ZBTB18: variants seen among roughly 807,000 people sequenced by gnomAD.
ZBTB18 encodes zinc finger and BTB domain-containing protein 18.
A neutral mutation model predicts 37.7 loss-of-function variants in ZBTB18; 2 were observed. That is an observed-to-expected ratio of 0.05 (90% CI 0.02 to 0.17). The LOEUF (loss-of-function observed/expected upper bound fraction) is 0.17. Ranked by LOEUF, ZBTB18 falls within the 10% of genes least tolerant of loss-of-function variation. ZBTB18 has a pLI of 1.00. For missense variants in ZBTB18, 408 were observed against 686.3 expected, an observed-to-expected ratio of 0.59 and a Z score of 4.53; for synonymous variants, 304 against 276.5, an observed-to-expected ratio of 1.10 and a Z score of -0.99.
In ZBTB18 at chr1:244,054,421, C is replaced by T. The variant is rs1344990471; in HGVS notation, c.647C>T (p.Ala216Val). ...AGGEAEPHAT[A>V]AGKTVASPCS... ...GGAGAGGCAGAGCCACACGCCACAG[C>T]AGCTGGAAAAACAGTAGCCAGCCCC... Residue 216 changes from alanine to valine, a missense_variant, in exon 2 of 2, where the codon GCA becomes GTA. Coordinates refer to ENST00000358704, the MANE Select transcript of ZBTB18 (RefSeq NM_205768.3). This position sits in a 1 kb window ranked among gnomAD's most constrained non-coding sequence, Gnocchi z 9.0. 1 of 1,614,210 alleles carries T rather than the reference C, an allele frequency of 6.2e-7. No homozygotes were observed. The highest frequency in any genetic ancestry group is 1.1e-5 in the South Asian group (1 of 91,090).
chr1:244,055,295 C>A lies in ZBTB18; in HGVS notation c.1521C>A (p.Val507=). The A allele has an allele frequency of 6.2e-7, 1 of 1,613,552 alleles. No individual in the cohort carries two copies. The highest frequency in any genetic ancestry group is 1.1e-5 in the South Asian group (1 of 91,024). ...FHCELVNSLS[V]KSEALSLPTV... ...GTGAGTTGGTGAACTCCTTGTCGGT[C>A]AAAAGCGAAGCACTGAGCTTGCCTA... The change falls in exon 2 of 2, where the codon GTC becomes GTA. Residue 507 remains valine (V), a synonymous_variant. Transcript: ENST00000358704. The surrounding 1 kb of genome is among the most constrained non-coding windows in gnomAD (Gnocchi z 7.0).
rs942164097 is a variant in ZBTB18 at position 244,056,349 on chromosome 1, A to G, written c.*979A>G. On this transcript the variant is annotated 3_prime_UTR_variant, in exon 2 of 2. Transcript: ENST00000358704. ...TTATATAATTTAAATTGACTTTCCC[A>G]CTGTCTTTAAGTTGAAACTGTTAAG... The G allele has an allele frequency of 2.4e-5, 4 of 167,060 alleles. No individual in the cohort carries two copies. The highest frequency in any genetic ancestry group is 2.0e-4 in the Admixed American group (3 of 15,290). The allele number at this position is 167,060 out of a possible 1,614,324, so 10.3% of individuals were successfully genotyped here.
upstream of ZBTB18, among the ~76,000 whole-genome samples, chr1:244,050,432 T>TG (rs1698324417): frequency 5.7e-5 from 1 of 17,632 alleles, no homozygotes; most frequent in Non-Finnish European, 1.1e-4. Flanking sequence ...AACATTAGAG[T>TG]GACCCCCCCC....
intron 1 of ZBTB18, 151 bp downstream of exon 1, chr1:244,051,595 G>C (rs1572528868): frequency 1.2e-6 from 1 of 866,564 alleles, no homozygotes; most frequent in Non-Finnish European, 1.7e-6. Context: ...TGAAAGTCTT[G>C]AGCTTGTTTA....
chr1:244,051,383 A>G lies in ZBTB18; in HGVS notation c.-49A>G. 6.2e-7 allele frequency: 1 copy of G among 1,611,334 alleles called. No homozygotes were observed. Among genetic ancestry groups the G allele is most frequent in the South Asian group, 1.1e-5 (1 of 90,504 alleles). On this transcript the variant is annotated 5_prime_UTR_variant, in exon 1 of 2. An upstream open reading frame in the 5' UTR loses its in-frame stop. Coordinates refer to ENST00000358704, the MANE Select transcript of ZBTB18 (RefSeq NM_205768.3). ...TAGTCTGCTTTTTTTCCACCGATGT[A>G]ACAGACCTGGAGCCAGCAGGACTCA...
Position 244,051,296 on chromosome 1 carries a change from C to T in ZBTB18, c.-136C>T. 2 of 882,832 alleles carry T rather than the reference C, an allele frequency of 2.3e-6. No homozygotes were observed. Among genetic ancestry groups the T allele is most frequent in the Non-Finnish European group, 3.6e-6 (2 of 553,440 alleles). 54.7% of individuals were successfully genotyped at this position (882,832 alleles called of 1,614,324 possible). On this transcript the variant is annotated 5_prime_UTR_variant, in exon 1 of 2. Coordinates refer to ENST00000358704, the MANE Select transcript of ZBTB18 (RefSeq NM_205768.3). ...AGACAGGGAGTTAGTGTGTGCGGAT[C>T]TGTGGTGGAGAAGGTATCTCATTCC...
chr1:244,051,799 C>T (rs1405502219), intron 1 of ZBTB18, among the ~76,000 whole-genome samples: 1 of 152,108 alleles, frequency 6.6e-6, no homozygotes, highest in Non-Finnish European at 1.5e-5. Context: ...AAACTGGAAT[C>T]CAGCATTCAA....
In ZBTB18 at chr1:244,054,470, C is replaced by T; in HGVS notation, c.696C>T (p.Ser232=). ...CCTGCAGCTCAACAGAGTCTTTGTC[C>T]CAGAGGTCTGTCACCTCCGTGAGGG... The part of the protein sequence containing the change: ...ASPCSSTESL[S]QRSVTSVRDS... Residue 232 remains serine (S), a synonymous_variant, in exon 2 of 2, where the codon TCC becomes TCT. Coordinates refer to ENST00000358704, the MANE Select transcript of ZBTB18 (RefSeq NM_205768.3). The surrounding 1 kb of genome is among the most constrained non-coding windows in gnomAD (Gnocchi z 9.0). 1 of 1,614,172 alleles carries T rather than the reference C, an allele frequency of 6.2e-7. No individual in the cohort carries two copies. Among genetic ancestry groups the T allele is most frequent in the Non-Finnish European group, 8.5e-7 (1 of 1,180,034 alleles).
chr1:244,052,285 G>C (rs1292394869), intron 1 of ZBTB18, among the ~76,000 whole-genome samples: 1 of 152,174 alleles, frequency 6.6e-6, no homozygotes, highest in Non-Finnish European at 1.5e-5. Context: ...CTTGTGAGCT[G>C]CCCTCCAATC....
chr1:244,049,858 G>A (rs911426626), upstream of ZBTB18, among the ~76,000 whole-genome samples: 2 of 152,078 alleles, frequency 1.3e-5, no homozygotes, highest in Non-Finnish European at 2.9e-5. Flanking sequence ...TGTGGAGTGG[G>A]AGTTGCTGGC....
upstream of ZBTB18, among the ~76,000 whole-genome samples, chr1:244,048,628 G>GCCCCCCCCCCCCCCCCCCGCCCCCCC (rs1325001619): frequency 1.3e-5 from 1 of 79,442 alleles, no homozygotes; most frequent in African/African-American, 4.0e-5. Flanking sequence ...CCCCGCGCCC[G>GCCCCCCCCCCCCCCCCCCGCCCCCCC]CCCCCCCCCC....
rs766687446 is a variant in ZBTB18 at position 244,054,215 on chromosome 1, G to A, written c.441G>A (p.Ser147=). ...TKKEEDASSC[S]DKVESLSDGS... is the part of the protein sequence containing the mutation. Reference sequence around the variant, plus strand: ...AGGAAGAAGATGCTTCAAGTTGTTCGGACAAAGTCGAGAGTCTCTCCGATG... The same window carrying A: ...AGGAAGAAGATGCTTCAAGTTGTTCAGACAAAGTCGAGAGTCTCTCCGATG... The change falls in exon 2 of 2, where the codon TCG becomes TCA. Residue 147 remains serine (S), a synonymous_variant. Transcript: ENST00000358704. The surrounding 1 kb of genome is among the most constrained non-coding windows in gnomAD (Gnocchi z 9.0). 5.0e-6 allele frequency: 8 copies of A among 1,614,016 alleles called. No individual in the cohort carries two copies. The highest frequency in any genetic ancestry group is 2.2e-5 in the South Asian group (2 of 91,094).
chr1:244,049,194 G>T (rs1181445868), upstream of ZBTB18, among the ~76,000 whole-genome samples: 1 of 143,888 alleles, frequency 6.9e-6, no homozygotes, highest in Non-Finnish European at 1.5e-5. Context: ...CGGCGCAGCT[G>T]CGGGAGGCCC....
chr1:244,050,289 C>T (rs1353764869), upstream of ZBTB18, among the ~76,000 whole-genome samples: 2 of 152,164 alleles, frequency 1.3e-5, no homozygotes, highest in East Asian at 1.9e-4. Context: ...GCACCCTGCC[C>T]GGTACCGGTC....
At chr1:244,051,555 T>C in intron 1 of ZBTB18, 111 bp downstream of exon 1, 1 of 1,321,842 alleles carries the variant, frequency 7.6e-7, no homozygotes, top group Non-Finnish European at 1.1e-6. Context: ...ATATATGAAA[T>C]TGAGTATTAA....
chr1:244,049,486 G>T (rs1318848087), upstream of ZBTB18, among the ~76,000 whole-genome samples: 2 of 151,446 alleles, frequency 1.3e-5, no homozygotes, highest in Non-Finnish European at 3.0e-5. Flanking sequence ...GCCCTCCCGG[G>T]CTGGTGCAGT....
chr1:244,053,993 T>C lies in ZBTB18; in HGVS notation c.219T>C (p.His73=). Residue 73 remains histidine (H), a synonymous_variant, in exon 2 of 2, where the codon CAT becomes CAC. Transcript: ENST00000358704. This position sits in a 1 kb window ranked among gnomAD's most constrained non-coding sequence, Gnocchi z 5.2. ...KDQLDKRDIV[H]LNSDIVTAPA... ...AGCTGGACAAAAGAGACATTGTTCA[T>C]CTGAACAGCGACATTGTTACAGCCC... The C allele has an allele frequency of 3.1e-6, 5 of 1,614,130 alleles. No individual in the cohort carries two copies. The highest frequency in any genetic ancestry group is 4.2e-6 in the Non-Finnish European group (5 of 1,180,030).
At position 244,055,373 on chromosome 1, in the gene ZBTB18, T is replaced by G; in HGVS notation, c.*3T>G. ...GCTCTCAAGAACTTTGGAAATAATT[T>G]TATATATATATAAATAATATATATA... On this transcript the variant is annotated 3_prime_UTR_variant, in exon 2 of 2. Transcript: ENST00000358704. This position sits in a 1 kb window ranked among gnomAD's most constrained non-coding sequence, Gnocchi z 7.0. 1 of 1,029,922 alleles carries G rather than the reference T, an allele frequency of 9.7e-7. No individual in the cohort carries two copies. 63.8% of individuals were successfully genotyped at this position (1,029,922 alleles called of 1,614,324 possible). A position where few individuals can be genotyped will look rare whatever the true frequency, so the allele number is the denominator to read the frequency against.
rs762962664 is a variant in ZBTB18, at chr1:244,055,009, C to T, written c.1235C>T (p.Pro412Leu). ...FREQDGIRSKPAADVNVPTCS... is the reference protein window; with the variant it reads ...FREQDGIRSKLAADVNVPTCS... ...GAGCAGGACGGCATCCGCAGCAAGC[C>T]CGCCGCCGATGTCAACGTGCCCACG... The change falls in exon 2 of 2, where the codon CCC becomes CTC. Residue 412 changes from proline (P) to leucine (L), a missense_variant. Transcript: ENST00000358704. This position sits in a 1 kb window ranked among gnomAD's most constrained non-coding sequence, Gnocchi z 7.0. The T allele has an allele frequency of 6.2e-7, 1 of 1,614,152 alleles. No homozygotes were observed.
Sources: allele counts gnomAD v4.1 joint callset (sites outside exome capture counted in the v4.1 genomes callset), GRCh38; gene constraint gnomAD v4.1.1; non-coding constraint Gnocchi (gnomAD v3.1); transcripts MANE v1.5; gene names NCBI Gene and HGNC (gene_info 2026-07-23, HGNC 2026-07-21).